Variants in MACROD2 observed in about 807,000 individuals in gnomAD.
The protein encoded by MACROD2 is mono-ADP ribosylhydrolase 2.
MACROD2 carries 36 observed loss-of-function variants against 70.4 expected under a neutral mutation model. That is an observed-to-expected ratio of 0.51 (90% CI 0.39 to 0.68). The LOEUF is 0.68. Among genes scored for constraint, MACROD2 ranks in the 30% least tolerant of loss-of-function variants. MACROD2 has a pLI of 0.00. For synonymous variants in MACROD2, 172 were observed against 178.8 expected (o/e 0.96, Z 0.30); for missense variants, 496 against 538.4 (o/e 0.92, Z 0.78).
intron 8 of MACROD2, among the ~76,000 whole-genome samples, chr20:15,661,134 A>G (rs1167499181): frequency 6.6e-6 from 1 of 152,162 alleles, no homozygotes; most frequent in Middle Eastern, 3.2e-3. Flanking sequence ...GGGGACATCT[A>G]GTAATGTCTG....
At chr20:14,922,375 C>T (rs1406442380) in intron 5 of MACROD2, among the ~76,000 whole-genome samples, 1 of 152,042 alleles carries the variant, frequency 6.6e-6, no homozygotes, top group Non-Finnish European at 1.5e-5. Context: ...TTCTTAACCA[C>T]CCCTAATTTA....
intron 5 of MACROD2, among the ~76,000 whole-genome samples, chr20:15,188,718 A>G (rs942452589): frequency 8.5e-5 from 13 of 152,216 alleles, no homozygotes; most frequent in African/African-American, 2.4e-4. Context: ...ATTTATGACA[A>G]TGACTTTATT....
At chr20:14,614,661 T>C (rs1053082818) in intron 4 of MACROD2, among the ~76,000 whole-genome samples, 4 of 152,046 alleles carry the variant, frequency 2.6e-5, no homozygotes, top group African/African-American at 9.7e-5. Context: ...AAAGAAAACA[T>C]GTTGATGATA....
intron 5 of MACROD2, among the ~76,000 whole-genome samples, chr20:14,690,981 G>A (rs1293558690): frequency 6.6e-6 from 1 of 152,132 alleles, no homozygotes; most frequent in Middle Eastern, 3.2e-3. Flanking sequence ...GCAATGGCGC[G>A]ATCTTGGCTC....
chr20:14,026,332 G>T (rs1403949926), intron 2 of MACROD2, among the ~76,000 whole-genome samples: 3 of 152,160 alleles, frequency 2.0e-5, no homozygotes, highest in African/African-American at 4.8e-5. Context: ...GGGGCATTTA[G>T]CCTGTTTACA....
chr20:14,717,384 T>C (rs531805768), intron 5 of MACROD2, among the ~76,000 whole-genome samples: 1 of 152,310 alleles, frequency 6.6e-6, no homozygotes, highest in East Asian at 1.9e-4. Context: ...AGAGGAAATA[T>C]TAATGAACTT....
rs78871987 is a variant in MACROD2 at position 14,319,776 on chromosome 20, C to T, written c.272-173703C>T. Among the ~76,000 whole-genome samples the T allele has an allele frequency of 2.6e-3, 397 of 152,068 alleles. 4 individuals carry two copies. The highest frequency in any genetic ancestry group is 9.3e-3 in the African/African-American group (384 of 41,474). On this transcript the variant is annotated intron_variant, in intron 3 of 17. Transcript: ENST00000684519. Reference sequence around the variant, plus strand: ...TGATTATTTTCCCTCCTCTGCAATCCCCCCCTTTTTGTTTGTTGTTTCTTT... The same window carrying T: ...TGATTATTTTCCCTCCTCTGCAATCTCCCCCTTTTTGTTTGTTGTTTCTTT...
At chr20:15,665,211 C>T (rs1004476406) in intron 8 of MACROD2, among the ~76,000 whole-genome samples, 2 of 152,132 alleles carry the variant, frequency 1.3e-5, no homozygotes, top group African/African-American at 2.4e-5. Flanking sequence ...TTTGGTCAAG[C>T]TTCATCAAAT....
intron 5 of MACROD2, among the ~76,000 whole-genome samples, chr20:15,151,003 C>T (rs938396418): frequency 7.2e-5 from 11 of 151,876 alleles, no homozygotes; most frequent in African/African-American, 9.7e-5. Flanking sequence ...AAGAAGGGGA[C>T]GGACTTACCC....
rs2066814429 is a variant in MACROD2, at chr20:16,008,121, T to C, written c.1153+20963T>C. Among the ~76,000 whole-genome samples the C allele has an allele frequency of 2.0e-5, 3 of 152,224 alleles. No homozygotes were observed. The South Asian group carries it at 6.2e-4, about 32-fold the overall frequency. ...GGATTTTCCTGACGTTTCTGCTGAC[T>C]CATCCCAGCTTTGCTCTGCAGAGGG... is the stretch of plus-strand genomic sequence containing the variant. On this transcript the variant is annotated intron_variant, in intron 15 of 17. Transcript: ENST00000684519.
intron 12 of MACROD2, among the ~76,000 whole-genome samples, chr20:15,937,947 C>A (rs2065691238): frequency 6.6e-6 from 1 of 151,636 alleles, no homozygotes; most frequent in African/African-American, 2.4e-5. Flanking sequence ...CAGGGAGCAC[C>A]ATTTTTCAAA....
intron 8 of MACROD2, among the ~76,000 whole-genome samples, chr20:15,724,700 T>A (rs767623865): frequency 6.6e-6 from 1 of 152,158 alleles, no homozygotes; most frequent in Non-Finnish European, 1.5e-5. Context: ...TTACAATAGG[T>A]CTTGAAGTTG....
intron 5 of MACROD2, among the ~76,000 whole-genome samples, chr20:15,030,303 A>C (rs534767017): frequency 1.3e-5 from 2 of 152,224 alleles, no homozygotes; most frequent in East Asian, 1.9e-4. Context: ...TCTACACAAA[A>C]ATTTTTAAAA....
intron 6 of MACROD2, among the ~76,000 whole-genome samples, chr20:15,384,704 T>C (rs2045689549): frequency 6.6e-6 from 1 of 152,182 alleles, no homozygotes; most frequent in Non-Finnish European, 1.5e-5. Context: ...TATACTATCT[T>C]TCAAATAATA....
chr20:14,720,673 C>T (rs2071457915), intron 5 of MACROD2, among the ~76,000 whole-genome samples: 1 of 149,666 alleles, frequency 6.7e-6, no homozygotes. Context: ...CCTGCCTCAG[C>T]TTCCTCTGTA....
chr20:15,719,368 A>G (rs1568991701), intron 8 of MACROD2, among the ~76,000 whole-genome samples: 1 of 152,350 alleles, frequency 6.6e-6, no homozygotes, highest in East Asian at 1.9e-4. Context: ...GCATGCTGTC[A>G]TAGTTGTGAG....
intron 8 of MACROD2, among the ~76,000 whole-genome samples, chr20:15,824,889 A>G (rs1227038898): frequency 6.6e-6 from 1 of 152,194 alleles, no homozygotes; most frequent in East Asian, 1.9e-4. Flanking sequence ...GTGAAGGAAT[A>G]TGTTCTTAAG....
At chr20:14,716,237 G>A (rs1027391214) in intron 5 of MACROD2, among the ~76,000 whole-genome samples, 3 of 152,138 alleles carry the variant, frequency 2.0e-5, no homozygotes, top group Non-Finnish European at 2.9e-5. Flanking sequence ...TGAGGTGGCA[G>A]TTGTCTTGGG....
intron 8 of MACROD2, among the ~76,000 whole-genome samples, chr20:15,580,875 T>A (rs537090203): frequency 3.3e-5 from 5 of 152,286 alleles, no homozygotes; most frequent in African/African-American, 1.2e-4. Context: ...TTCAGTGAAC[T>A]TGAAGAATAC....
Sources: allele counts gnomAD v4.1 joint callset (sites outside exome capture counted in the v4.1 genomes callset), GRCh38; gene constraint gnomAD v4.1.1; transcripts MANE v1.5; gene names NCBI Gene and HGNC (gene_info 2026-07-23, HGNC 2026-07-21).